Variants in NFASC observed in about 807,000 individuals in gnomAD.
The protein encoded by NFASC is neurofascin homolog.
Under a neutral mutation model 147.5 loss-of-function variants are expected in NFASC, and 43 were observed. That is an observed-to-expected ratio of 0.29 (90% CI 0.23 to 0.38). The LOEUF is 0.38. Among genes scored for constraint, NFASC ranks in the 10% least tolerant of loss-of-function variants. NFASC has a pLI of 1.00. For missense variants in NFASC, 1,320 were observed against 1,689.0 expected, an observed-to-expected ratio of 0.78 and a Z score of 3.83; for synonymous variants, 622 against 665.5, an observed-to-expected ratio of 0.93 and a Z score of 1.01.
intron 28 of NFASC, among the ~76,000 whole-genome samples, chr1:205,011,429 G>A (rs914537594): frequency 3.9e-5 from 6 of 152,174 alleles, no homozygotes; most frequent in African/African-American, 1.4e-4. Flanking sequence ...CCTGAGTTAG[G>A]GAAAAGGCTG....
At chr1:205,003,509 G>A (rs1427601406) in intron 27 of NFASC, among the ~76,000 whole-genome samples, 1 of 152,184 alleles carries the variant, frequency 6.6e-6, no homozygotes, top group African/African-American at 2.4e-5. Context: ...TACTTACAGG[G>A]CACTCCCTGG....
At chr1:204,890,375 A>G (rs1053665192) in intron 1 of NFASC, among the ~76,000 whole-genome samples, 7 of 152,208 alleles carry the variant, frequency 4.6e-5, no homozygotes, top group African/African-American at 1.7e-4. Flanking sequence ...AGGAAGCAAT[A>G]CAGGGCAGGC....
intron 27 of NFASC, among the ~76,000 whole-genome samples, chr1:205,003,468 C>G (rs745878306): frequency 2.0e-5 from 3 of 152,192 alleles, no homozygotes; most frequent in Non-Finnish European, 4.4e-5. Flanking sequence ...TCAGCAATCT[C>G]TGTGCTAGTA....
intron 1 of NFASC, among the ~76,000 whole-genome samples, chr1:204,855,764 C>T (rs2076101012): frequency 6.6e-6 from 1 of 152,140 alleles, no homozygotes; most frequent in Admixed American, 6.5e-5. Flanking sequence ...CTCCTAGAAG[C>T]AGGAGTTTTA....
At chr1:204,935,533 A>C (rs2092745002) in intron 2 of NFASC, among the ~76,000 whole-genome samples, 1 of 152,182 alleles carries the variant, frequency 6.6e-6, no homozygotes, top group African/African-American at 2.4e-5. Flanking sequence ...AGTGGCAGCA[A>C]GAAATAGGGG....
chr1:204,926,536 C>T (rs1479342307), intron 2 of NFASC, among the ~76,000 whole-genome samples: 2 of 148,868 alleles, frequency 1.3e-5, no homozygotes, highest in Admixed American at 6.7e-5. Context: ...GTCTCAGCCT[C>T]TTGAGTAGCT....
At chr1:204,879,316 G>T (rs538638979) in intron 1 of NFASC, among the ~76,000 whole-genome samples, 2 of 146,002 alleles carry the variant, frequency 1.4e-5, no homozygotes, top group Admixed American at 7.3e-5. Context: ...AAATGTGTAC[G>T]TTGTGTCTCA....
intron 1 of NFASC, among the ~76,000 whole-genome samples, chr1:204,892,020 A>G (rs1435815853): frequency 6.6e-6 from 1 of 152,244 alleles, no homozygotes; most frequent in Non-Finnish European, 1.5e-5. Context: ...ATTACTGAGC[A>G]TCAGGAATGT....
chr1:205,016,575 T>TGGGAGGAG lies in NFASC; in HGVS notation c.*42_*49dup. 1 of 1,501,828 alleles carries TGGGAGGAG rather than the reference T, an allele frequency of 6.7e-7. No individual in the cohort carries two copies. Among genetic ancestry groups the TGGGAGGAG allele is most frequent in the Non-Finnish European group, 9.3e-7 (1 of 1,078,336 alleles). The allele number at this position is 1,501,828 out of a possible 1,614,324, so 93.0% of individuals were successfully genotyped here. ...CCAGGCACAGCCACCACTTTGCAAG[T>TGGGAGGAG]GGGAGGAGGGGAGAAGGGGAGACAA... On this transcript the variant is annotated 3_prime_UTR_variant, in exon 30 of 30. Transcript: ENST00000339876. The surrounding 1 kb of genome is among the most constrained non-coding windows in gnomAD (Gnocchi z 5.1).
chr1:204,937,700 G>A lies in NFASC; in HGVS notation c.-90-6526G>A, dbSNP rs182046629. 8.1e-3 allele frequency among the ~76,000 whole-genome samples: 1,239 copies of A among 152,286 alleles called. 50 individuals carry two copies. Among genetic ancestry groups the A allele is most frequent in the Admixed American group, 0.069 (1,053 of 15,306 alleles). On this transcript the variant is annotated intron_variant, in intron 2 of 29. Coordinates refer to ENST00000339876, the MANE Select transcript of NFASC (RefSeq NM_001005388.3). ...TTTCTCCATCCGCTGATGGGAGAAC[G>A]TCCTGGTTGCTTCTGTCTGGGTTTT...
intron 8 of NFASC, among the ~76,000 whole-genome samples, chr1:204,964,358 GTTC>G (rs1298278911): frequency 6.6e-6 from 1 of 152,264 alleles, no homozygotes; most frequent in Non-Finnish European, 1.5e-5. Flanking sequence ...ATCCTGGATA[GTTC>G]TTCTATGCTT....
At chr1:204,862,251 C>T (rs1178743716) in intron 1 of NFASC, among the ~76,000 whole-genome samples, 1 of 152,198 alleles carries the variant, frequency 6.6e-6, no homozygotes, top group East Asian at 1.9e-4. Context: ...ACCATCTACC[C>T]TCATAGGATA....
At chr1:204,874,181 G>C (rs4950971) in intron 1 of NFASC, among the ~76,000 whole-genome samples, 33,610 of 152,166 alleles carry the variant, frequency 0.22, 5,989 homozygotes, top group East Asian at 0.68. Context: ...AAATCTTCCT[G>C]CGCTGGGGGA....
intron 1 of NFASC, among the ~76,000 whole-genome samples, chr1:204,915,394 G>C (rs2088961333): frequency 6.6e-6 from 1 of 152,292 alleles, no homozygotes; most frequent in East Asian, 1.9e-4. Context: ...AATATGTATA[G>C]TATGCTAGAA....
At chr1:204,980,166 C>T (rs1237018382) in intron 19 of NFASC, among the ~76,000 whole-genome samples, 1 of 152,170 alleles carries the variant, frequency 6.6e-6, no homozygotes, top group Non-Finnish European at 1.5e-5. Context: ...AAGAAATTAG[C>T]CCTGCTCTGG....
chr1:204,991,541 A>C (rs1483179539), intron 24 of NFASC, among the ~76,000 whole-genome samples: 1 of 152,158 alleles, frequency 6.6e-6, no homozygotes, highest in Non-Finnish European at 1.5e-5. Context: ...TGAGTAGGAG[A>C]ATGGCTCAGC....
chr1:204,966,959 C>G (rs1433294892), intron 8 of NFASC, among the ~76,000 whole-genome samples: 2 of 152,194 alleles, frequency 1.3e-5, no homozygotes, highest in African/African-American at 2.4e-5. Context: ...CAGGCCCCAG[C>G]AAACCCAGCA....
At position 204,913,513 on chromosome 1, in the gene NFASC, G is replaced by A. The variant is rs986712799; in HGVS notation, c.-199-7119G>A. On this transcript the variant is annotated intron_variant, in intron 1 of 29. Coordinates refer to ENST00000339876, the MANE Select transcript of NFASC (RefSeq NM_001005388.3). ...TCCAGAAATAGACCTAAACACATAG[G>A]AGAATTTAGTAGTGTGTATGATTGA... is the stretch of plus-strand genomic sequence containing the variant. Among the ~76,000 whole-genome samples the A allele has an allele frequency of 2.6e-5, 4 of 152,138 alleles. 1 individual carries two copies. The highest frequency in any genetic ancestry group is 9.7e-5 in the African/African-American group (4 of 41,416).
intron 1 of NFASC, among the ~76,000 whole-genome samples, chr1:204,860,803 A>G (rs1330062965): frequency 6.6e-6 from 1 of 152,148 alleles, no homozygotes; most frequent in Non-Finnish European, 1.5e-5. Context: ...AGACTTGCCT[A>G]TTCTGGACAC....
Sources: allele counts gnomAD v4.1 joint callset (sites outside exome capture counted in the v4.1 genomes callset), GRCh38; gene constraint gnomAD v4.1.1; non-coding constraint Gnocchi (gnomAD v3.1); transcripts MANE v1.5; gene names NCBI Gene and HGNC (gene_info 2026-07-23, HGNC 2026-07-21).